The following SCML4 variants were observed in gnomAD, a reference collection of about 807,000 sequenced individuals.
SCML4 encodes the protein Scm polycomb group protein like 4.
A neutral mutation model predicts 41.1 loss-of-function variants in SCML4; 34 were observed. The observed-to-expected ratio is 0.83, with a 90% CI of 0.63 to 1.10. The LOEUF is 1.10. Among genes scored for constraint, SCML4 ranks in the 50% least tolerant of loss-of-function variants. The pLI, the probability that SCML4 is intolerant of heterozygous loss-of-function variation, is 0.00. For synonymous variants in SCML4, 214 were observed against 220.9 expected, an observed-to-expected ratio of 0.97 and a Z score of 0.28; for missense variants, 522 against 534.1, an observed-to-expected ratio of 0.98 and a Z score of 0.22.
At chr6:107,806,184 T>C (rs990942481) in intron 1 of SCML4, among the ~76,000 whole-genome samples, 2 of 9,546 alleles carry the variant, frequency 2.1e-4, no homozygotes, top group Non-Finnish European at 6.7e-4. Context: ...AAAACAGAGA[T>C]TTCCCCCCCC....
intron 5 of SCML4, among the ~76,000 whole-genome samples, chr6:107,740,603 G>A (rs1777504905): frequency 6.6e-6 from 1 of 152,194 alleles, no homozygotes; most frequent in Non-Finnish European, 1.5e-5. Context: ...TCTGCAGCAG[G>A]ATCATCTTAG....
At chr6:107,813,315 A>T (rs1169254693) in intron 1 of SCML4, among the ~76,000 whole-genome samples, 2 of 145,016 alleles carry the variant, frequency 1.4e-5, no homozygotes, top group African/African-American at 5.2e-5. Context: ...GTGAGCTGAG[A>T]TCGTGCTACT....
At chr6:107,788,557 C>T (rs907879027) in intron 1 of SCML4, among the ~76,000 whole-genome samples, 4 of 152,172 alleles carry the variant, frequency 2.6e-5, no homozygotes, top group African/African-American at 7.2e-5. Context: ...AGAAATACAC[C>T]CATCCAGACA....
intron 6 of SCML4, chr6:107,720,110 T>G: frequency 1.0e-6 from 1 of 985,296 alleles, no homozygotes; most frequent in Non-Finnish European, 1.2e-6. Context: ...ACACTTCCTA[T>G]GCAAGAGACA....
In SCML4 at chr6:107,809,338, A is replaced by C. The variant is rs1232954747; in HGVS notation, c.-60+14788T>G. Among the ~76,000 whole-genome samples the C allele has an allele frequency of 3.3e-5, 5 of 152,236 alleles. No homozygotes were observed. In the East Asian group the frequency reaches 5.8e-4, roughly 18 times the overall value. On this transcript the variant is annotated intron_variant, in intron 1 of 7. Transcript: ENST00000369020. Reference sequence around the variant, plus strand: ...GATGTATTTTGTCATAGCAACACAAATGGAGTAAGACTATCAGAACTGCAT... The same window carrying C: ...GATGTATTTTGTCATAGCAACACAACTGGAGTAAGACTATCAGAACTGCAT...
At chr6:107,760,706 T>C (rs1878777) in intron 2 of SCML4, among the ~76,000 whole-genome samples, 151,098 of 152,280 alleles carry the variant, frequency 0.99, 74,972 homozygotes, top group Non-Finnish European at 1. Context: ...TCCAAAATAC[T>C]CAAGCACACA....
chr6:107,709,856 G>A (rs1291390171), intron 6 of SCML4, among the ~76,000 whole-genome samples: 11 of 152,106 alleles, frequency 7.2e-5, no homozygotes, highest in Admixed American at 3.3e-4. Flanking sequence ...GATTACAGGC[G>A]CCCACCATCA....
chr6:107,838,058 C>T, the SCML4 span, among the ~76,000 whole-genome samples: 3 of 152,042 alleles, frequency 2.0e-5, no homozygotes, highest in African/African-American at 7.2e-5. Context: ...CAGGCAAGTG[C>T]CACCATGCCC....
rs1340073714 is a variant in SCML4 at position 107,702,413 on chromosome 6, G to A, written c.*2787C>T. On this transcript the variant is annotated 3_prime_UTR_variant, in exon 8 of 8. Transcript: ENST00000369020. ...CTGATTTTTATTTGAGAGCACCAAT[G>A]TTTGTGACTCTGTAGTGAAGGAGGC... Among the ~76,000 whole-genome samples, 4 of 152,164 alleles carry A rather than the reference G, an allele frequency of 2.6e-5. No homozygotes were observed. The highest frequency in any genetic ancestry group is 9.7e-5 in the African/African-American group (4 of 41,440).
chr6:107,733,718 C>T (rs1018534497), intron 5 of SCML4, among the ~76,000 whole-genome samples: 1 of 152,228 alleles, frequency 6.6e-6, no homozygotes, highest in African/African-American at 2.4e-5. Context: ...CTCACATACC[C>T]TGTCCCTTTG....
chr6:107,820,857 AAAGAAG>A (rs200137095), intron 1 of SCML4, among the ~76,000 whole-genome samples: 1 of 152,194 alleles, frequency 6.6e-6, no homozygotes, highest in African/African-American at 2.4e-5. Flanking sequence ...AAAAGAAAAA[AAAGAAG>A]AAGAAGGAGA....
intron 1 of SCML4, among the ~76,000 whole-genome samples, chr6:107,793,483 T>C (rs1247745297): frequency 6.6e-6 from 1 of 152,242 alleles, no homozygotes. Flanking sequence ...TGTTGGTTCA[T>C]TCTCACTGTT....
At chr6:107,817,857 G>A (rs916565153) in intron 1 of SCML4, among the ~76,000 whole-genome samples, 3 of 152,034 alleles carry the variant, frequency 2.0e-5, no homozygotes, top group African/African-American at 7.3e-5. Flanking sequence ...TCCCTGGAGA[G>A]AGCTTATACT....
At chr6:107,818,147 T>C (rs977141084) in intron 1 of SCML4, among the ~76,000 whole-genome samples, 1 of 152,202 alleles carries the variant, frequency 6.6e-6, no homozygotes, top group Non-Finnish European at 1.5e-5. Flanking sequence ...GCTTTCCACT[T>C]GAAGTTTTTT....
rs974653045 is a variant in SCML4 at position 107,703,522 on chromosome 6, G to T, written c.*1678C>A. On this transcript the variant is annotated 3_prime_UTR_variant, in exon 8 of 8. Transcript: ENST00000369020. ...GAAAGTGGGCCTAACGGCATGGCAT[G>T]GACTATTTCTTATGGCCTTCATCTG... is the stretch of plus-strand genomic sequence containing the variant. Among the ~76,000 whole-genome samples, 3 of 152,186 alleles carry T rather than the reference G, an allele frequency of 2.0e-5. No individual in the cohort carries two copies. Among genetic ancestry groups the T allele is most frequent in the African/African-American group, 7.2e-5 (3 of 41,450 alleles).
intron 5 of SCML4, among the ~76,000 whole-genome samples, chr6:107,741,467 G>A (rs969284762): frequency 1.3e-5 from 2 of 152,224 alleles, no homozygotes; most frequent in Admixed American, 6.5e-5. Flanking sequence ...GAGAGTGCCC[G>A]AAGGGAGAAA....
intron 2 of SCML4, among the ~76,000 whole-genome samples, chr6:107,760,487 A>G (rs1779496731): frequency 6.6e-6 from 1 of 152,214 alleles, no homozygotes; most frequent in South Asian, 2.1e-4. Flanking sequence ...CTGAGAAGAT[A>G]TTACCAGAAG....
intron 5 of SCML4, among the ~76,000 whole-genome samples, chr6:107,737,414 T>A (rs752347669): frequency 1.3e-5 from 2 of 152,162 alleles, no homozygotes; most frequent in Non-Finnish European, 2.9e-5. Context: ...TCCCCTGGAT[T>A]TATACAAGTG....
chr6:107,765,940 C>T (rs1779998713), intron 2 of SCML4, among the ~76,000 whole-genome samples: 1 of 152,214 alleles, frequency 6.6e-6, no homozygotes, highest in Admixed American at 6.5e-5. Flanking sequence ...ATGTCTATAG[C>T]TGTTACAATG....
Sources: allele counts gnomAD v4.1 joint callset (sites outside exome capture counted in the v4.1 genomes callset), GRCh38; gene constraint gnomAD v4.1.1; transcripts MANE v1.5; gene names NCBI Gene and HGNC (gene_info 2026-07-23, HGNC 2026-07-21).